Variants in IQGAP3 observed in about 807,000 individuals in gnomAD.
The protein encoded by IQGAP3 is IQ motif containing GTPase activating protein 3.
IQGAP3 carries 165 observed loss-of-function variants against 208.2 expected under a neutral mutation model. That is an observed-to-expected ratio of 0.79 (90% confidence interval 0.70 to 0.90). The LOEUF is 0.90. Ranked by LOEUF, IQGAP3 falls within the 40% of genes least tolerant of loss-of-function variation. The pLI is 0.00. For missense variants in IQGAP3, 1,811 were observed against 2,043.1 expected, an observed-to-expected ratio of 0.89 and a Z score of 2.19; for synonymous variants, 703 against 803.6, an observed-to-expected ratio of 0.87 and a Z score of 2.12.
In IQGAP3 at chr1:156,571,333, T is replaced by C. The variant is rs373970481; in HGVS notation, c.37+1160A>G. Reference sequence around the variant, plus strand: ...TTGAAAAAAGGCAGAGCTTAGCCAATCTGTCTTTGACTCAGCACTTAATGT... The same window carrying C: ...TTGAAAAAAGGCAGAGCTTAGCCAACCTGTCTTTGACTCAGCACTTAATGT... On this transcript the variant is annotated intron_variant, in intron 1 of 37. Transcript: ENST00000361170. Among the ~76,000 whole-genome samples the C allele has an allele frequency of 2.7e-4, 41 of 150,734 alleles. No individual in the cohort carries two copies. In the South Asian group the frequency reaches 6.9e-3, roughly 25 times the overall value.
chr1:156,528,737 G>A, intron 35 of IQGAP3, 127 bp from the exon 36 acceptor site: 1 of 1,025,408 alleles, frequency 9.8e-7, no homozygotes, highest in Non-Finnish European at 1.4e-6. Flanking sequence ...GACAGAGGAG[G>A]GGGGCTGCAC....
At chr1:156,549,971 G>A (rs891780631) in intron 16 of IQGAP3, among the ~76,000 whole-genome samples, 1 of 152,166 alleles carries the variant, frequency 6.6e-6, no homozygotes, top group African/African-American at 2.4e-5. Flanking sequence ...TCTGACTACC[G>A]CATGATCTCA....
At chr1:156,560,860 A>C in intron 11 of IQGAP3, 74 bp downstream of exon 11, 2 of 1,067,452 alleles carry the variant, frequency 1.9e-6, no homozygotes, top group Non-Finnish European at 2.9e-6. Context: ...TACAGAAGCC[A>C]GCAAAGAGGT....
At chr1:156,555,316 G>A (rs984563392) in intron 12 of IQGAP3, among the ~76,000 whole-genome samples, 4 of 152,060 alleles carry the variant, frequency 2.6e-5, no homozygotes, top group Non-Finnish European at 5.9e-5. Flanking sequence ...TGGCTCTCCC[G>A]GGTTCAAGTG....
intron 1 of IQGAP3, among the ~76,000 whole-genome samples, chr1:156,570,267 A>G (rs1404392191): frequency 6.6e-6 from 1 of 152,184 alleles, no homozygotes; most frequent in African/African-American, 2.4e-5. Context: ...AAAGGCCTGC[A>G]TGGTGGCTCA....
intron 1 of IQGAP3, among the ~76,000 whole-genome samples, chr1:156,571,829 C>G (rs528204258): frequency 1.6e-4 from 25 of 152,298 alleles, no homozygotes; most frequent in Non-Finnish European, 3.4e-4. Flanking sequence ...TTCAGAAAAT[C>G]AGATAGAACC....
chr1:156,563,135 T>C lies in IQGAP3; in HGVS notation c.797A>G (p.His266Arg), dbSNP rs1293448615. Residue 266 changes from histidine to arginine, a missense_variant and splice_region_variant, in exon 8 of 38, where the codon CAT becomes CGT. Coordinates refer to ENST00000361170, the MANE Select transcript of IQGAP3 (RefSeq NM_178229.5). ...CTGCAACCCAAGACTACTCCTTACATGGTTCCTGGCATTGGCTGCCTTCTC... is the reference window on the plus strand; with the variant it reads ...CTGCAACCCAAGACTACTCCTTACACGGTTCCTGGCATTGGCTGCCTTCTC... ...KMEKAANARN[H>R]DDRESQDIYD... The C allele has an allele frequency of 6.3e-7, 1 of 1,591,848 alleles. No homozygotes were observed. The highest frequency in any genetic ancestry group is 1.7e-5 in the Admixed American group (1 of 57,868).
chr1:156,542,889 C>T (rs372474408), intron 22 of IQGAP3, among the ~76,000 whole-genome samples: 2 of 151,826 alleles, frequency 1.3e-5, no homozygotes, highest in South Asian at 2.1e-4. Context: ...TGCAGTGAGC[C>T]GTGATCATGC....
At chr1:156,531,572 T>C (rs1431505138) in intron 32 of IQGAP3, among the ~76,000 whole-genome samples, 1 of 150,642 alleles carries the variant, frequency 6.6e-6, no homozygotes, top group Non-Finnish European at 1.5e-5. Flanking sequence ...AGCCCTTTGA[T>C]GGCAGGACAA....
chr1:156,531,155 C>G lies in IQGAP3; in HGVS notation c.4191+5G>C, dbSNP rs759243967. On this transcript the variant is annotated splice_donor_5th_base_variant and intron_variant, in intron 33 of 37. Transcript: ENST00000361170. The stretch of plus-strand genomic sequence containing the variant: ...CAGAACCTGTGGGCCAGCCCGGCTA[C>G]TCACTTGCTCTCTGGAAGCCGAGAG... 7 of 1,607,270 alleles carry G rather than the reference C, an allele frequency of 4.4e-6. No homozygotes were observed. In the Admixed American group the frequency reaches 1.2e-4, roughly 27 times the overall value.
Position 156,548,630 on chromosome 1 carries a change from G to A in IQGAP3, c.1944C>T (p.Asn648=), listed in dbSNP as rs139780808. 75 of 1,610,946 alleles carry A rather than the reference G, an allele frequency of 4.7e-5. No homozygotes were observed. The highest frequency in any genetic ancestry group is 1.9e-4 in the African/African-American group (14 of 74,866). The change falls in exon 17 of 38, where the codon AAC becomes AAT. Residue 648 remains asparagine, a synonymous_variant. Transcript: ENST00000361170. The part of the protein sequence containing the change: ...ALRGVVPDCA[N]GYQRALESAM... ...CACTTTCCAGGGCTCGCTGGTAGCC[G>A]TTGGCACAGTCGGGAACTACCCCTC...
chr1:156,529,157 A>G (rs2102350084), intron 34 of IQGAP3, 75 bp from the exon 35 acceptor site: 2 of 1,479,292 alleles, frequency 1.4e-6, no homozygotes, highest in Non-Finnish European at 1.9e-6. Context: ...CACAGGCCCA[A>G]GAGCTACACA....
chr1:156,530,910 T>C (rs1051641410), intron 33 of IQGAP3, among the ~76,000 whole-genome samples: 1 of 152,028 alleles, frequency 6.6e-6, no homozygotes, highest in African/African-American at 2.4e-5. Flanking sequence ...ATAGCCCTAG[T>C]GTTGGTGCTT....
Position 156,534,538 on chromosome 1 carries a change from G to C in IQGAP3, c.3703C>G (p.Leu1235Val), listed in dbSNP as rs1386887766. ...FSGQSQHLRV[L>V]NDYLEETHLK... ...TGTGTTTCCTCCAGATAGTCATTCA[G>C]GACCCGTAGGTGCTGGCTCTGCCCA... is the stretch of plus-strand genomic sequence containing the variant. Residue 1235 changes from leucine to valine, a missense_variant, in exon 29 of 38, where the codon CTG becomes GTG. Transcript: ENST00000361170. 1.3e-6 allele frequency: 2 copies of C among 1,599,832 alleles called. No individual in the cohort carries two copies. The highest frequency in any genetic ancestry group is 2.7e-5 in the African/African-American group (2 of 74,194).
Position 156,540,733 on chromosome 1 carries a change from A to G in IQGAP3, c.2714T>C (p.Leu905Pro). 1 of 1,614,138 alleles carries G rather than the reference A, an allele frequency of 6.2e-7. No homozygotes were observed. The highest frequency in any genetic ancestry group is 8.5e-7 in the Non-Finnish European group (1 of 1,180,026). The change falls in exon 23 of 38, where the codon CTG becomes CCG. Residue 905 changes from leucine to proline, a missense_variant. Physicochemically the swap from Leu to Pro is moderately conservative, Grantham distance 98 (BLOSUM62 -3). Transcript: ENST00000361170. ...LNIMDIKIGL[L>P]VKNRITLQEV... ...CTGCAGAGTGATCCGGTTCTTCACC[A>G]GCAGGCCAATCTTGATGTCCATGAT...
intron 15 of IQGAP3, among the ~76,000 whole-genome samples, chr1:156,551,481 A>T (rs1675542747): frequency 6.6e-6 from 1 of 152,188 alleles, no homozygotes; most frequent in Non-Finnish European, 1.5e-5. Flanking sequence ...CAGAGTGGGA[A>T]ATCCAGCCTG....
In IQGAP3 at chr1:156,528,968, A is replaced by G. The variant is rs1255870747; in HGVS notation, c.4519T>C (p.Tyr1507His). The G allele has an allele frequency of 2.5e-6, 4 of 1,614,228 alleles. No homozygotes were observed. Among genetic ancestry groups the G allele is most frequent in the Non-Finnish European group, 3.4e-6 (4 of 1,180,034 alleles). The change falls in exon 35 of 38, where the codon TAC becomes CAC. Residue 1507 changes from tyrosine to histidine, a missense_variant. By Grantham distance (83) the Tyr-to-His change is moderately conservative. Transcript: ENST00000361170. ...CAGGCCCGGATGTACTGGCTGTAGTAGTCACCCTGCTCCTCATAGAAGGTG... is the reference window on the plus strand; with the variant it reads ...CAGGCCCGGATGTACTGGCTGTAGTGGTCACCCTGCTCCTCATAGAAGGTG... ...KTTFYEEQGDYYSQYIRACLD... is the reference protein window; with the variant it reads ...KTTFYEEQGDHYSQYIRACLD...
At chr1:156,569,934 G>A (rs1676574697) in intron 1 of IQGAP3, among the ~76,000 whole-genome samples, 1 of 152,142 alleles carries the variant, frequency 6.6e-6, no homozygotes, top group Non-Finnish European at 1.5e-5. Context: ...GCCTCCTCCT[G>A]TGCTGGAGGC....
At chr1:156,559,242 G>A (rs12757164) in intron 11 of IQGAP3, among the ~76,000 whole-genome samples, 75,095 of 151,898 alleles carry the variant, frequency 0.49, 21,241 homozygotes, top group Non-Finnish European at 0.64. Flanking sequence ...GCTATGGAAC[G>A]TAACTAAGAT....
Sources: allele counts gnomAD v4.1 joint callset (sites outside exome capture counted in the v4.1 genomes callset), GRCh38; gene constraint gnomAD v4.1.1; transcripts MANE v1.5; gene names NCBI Gene and HGNC (gene_info 2026-07-23, HGNC 2026-07-21).